XPR1: variants seen among roughly 807,000 people sequenced by gnomAD.
XPR1 encodes the protein xenotropic and polytropic retrovirus receptor 1, also known as solute carrier family 53 member 1.
In XPR1, 28 loss-of-function variants were observed where a neutral mutation model predicts 87.5. That is an observed-to-expected ratio of 0.32 (90% CI 0.24 to 0.44). The LOEUF (loss-of-function observed/expected upper bound fraction) is 0.44. XPR1 is among the 20% of genes least tolerant of loss of function. XPR1 has a pLI of 1.00. For missense variants in XPR1, 559 were observed against 862.3 expected, an observed-to-expected ratio of 0.65 and a Z score of 4.41; for synonymous variants, 300 against 306.1, an observed-to-expected ratio of 0.98 and a Z score of 0.21.
intron 6 of XPR1, among the ~76,000 whole-genome samples, chr1:180,808,280 C>A: frequency 6.8e-6 from 1 of 146,758 alleles, no homozygotes. Flanking sequence ...AGTTGAATTC[C>A]ATATACCAAA....
chr1:180,696,922 G>C (rs1053243312), intron 2 of XPR1, among the ~76,000 whole-genome samples: 2 of 152,048 alleles, frequency 1.3e-5, no homozygotes, highest in Non-Finnish European at 2.9e-5. Context: ...TTCTGTGTTT[G>C]TCAGAGATAT....
At chr1:180,703,767 A>G (rs1156669993) in intron 2 of XPR1, among the ~76,000 whole-genome samples, 2 of 152,212 alleles carry the variant, frequency 1.3e-5, no homozygotes, top group Admixed American at 1.3e-4. Context: ...TTGTAATGAC[A>G]CCATTTGGTA....
chr1:180,636,730 C>T (rs1654787474), intron 1 of XPR1, among the ~76,000 whole-genome samples: 1 of 151,956 alleles, frequency 6.6e-6, no homozygotes, highest in Non-Finnish European at 1.5e-5. Flanking sequence ...GCCCAAAACT[C>T]CCATGGAGTA....
intron 6 of XPR1, 72 bp from the exon 7 acceptor site, chr1:180,811,335 A>G: frequency 2.4e-6 from 3 of 1,231,734 alleles, no homozygotes; most frequent in South Asian, 2.6e-5. Flanking sequence ...TCATTCTACT[A>G]TTTTATTACA....
intron 2 of XPR1, among the ~76,000 whole-genome samples, chr1:180,719,658 A>G (rs1375807958): frequency 6.6e-6 from 1 of 152,180 alleles, no homozygotes; most frequent in Non-Finnish European, 1.5e-5. Context: ...ATTTAGATAC[A>G]TGTATGCAAT....
intron 2 of XPR1, among the ~76,000 whole-genome samples, chr1:180,708,078 C>T (rs1408339944): frequency 4.6e-5 from 7 of 152,148 alleles, no homozygotes; most frequent in Non-Finnish European, 1.0e-4. Flanking sequence ...TATGAAAAAA[C>T]TGGAAAAAAT....
rs532289852 is a variant in XPR1, at chr1:180,884,017, G to A, written c.2042G>A (p.Arg681His). 5.0e-6 allele frequency: 8 copies of A among 1,613,936 alleles called. No homozygotes were observed. The highest frequency in any genetic ancestry group is 2.2e-5 in the East Asian group (1 of 44,872). The change falls in exon 15 of 15, where the codon CGT becomes CAT. Residue 681 changes from arginine to histidine, a missense_variant. Coordinates refer to ENST00000367590, the MANE Select transcript of XPR1 (RefSeq NM_004736.4). ...CTTGTTACCACTAGATCCAAGGCTC[G>A]TGACACTAAGGTATTGATAGAAGAC... is the stretch of plus-strand genomic sequence containing the variant. ...RPRLASQSKARDTKVLIEDTD... is the reference protein window; with the variant it reads ...RPRLASQSKAHDTKVLIEDTD...
chr1:180,697,864 A>G (rs542997035), intron 2 of XPR1, among the ~76,000 whole-genome samples: 2 of 152,116 alleles, frequency 1.3e-5, no homozygotes, highest in Middle Eastern at 3.4e-3. Flanking sequence ...TTGTGGCCTA[A>G]CATATGGTCT....
At position 180,664,788 on chromosome 1, in the gene XPR1, G is replaced by T. The variant is rs151211069; in HGVS notation, c.70-17572G>T. Among the ~76,000 whole-genome samples, 9 of 152,332 alleles carry T rather than the reference G, an allele frequency of 5.9e-5. No individual in the cohort carries two copies. The East Asian group carries it at 1.5e-3, about 26-fold the overall frequency. ...TTTAGCACCAGGGGCTGGTTTCATG[G>T]AAGTCAGTTTTTTCATGGGGTGGAG... On this transcript the variant is annotated intron_variant, in intron 1 of 14. Coordinates refer to ENST00000367590, the MANE Select transcript of XPR1 (RefSeq NM_004736.4).
chr1:180,667,183 G>T (rs1358984218), intron 1 of XPR1, among the ~76,000 whole-genome samples: 2 of 152,182 alleles, frequency 1.3e-5, no homozygotes, highest in African/African-American at 4.8e-5. Flanking sequence ...CCCTTACTGG[G>T]ATTACAGGCA....
chr1:180,834,135 G>A (rs1651182981), intron 9 of XPR1, among the ~76,000 whole-genome samples: 1 of 151,622 alleles, frequency 6.6e-6, no homozygotes, highest in Admixed American at 6.6e-5. Flanking sequence ...AGGCTGGAGT[G>A]CAGTGGCATG....
intron 1 of XPR1, among the ~76,000 whole-genome samples, chr1:180,648,917 ATAATAT>A (rs1311672225): frequency 6.6e-6 from 1 of 152,194 alleles, no homozygotes; most frequent in Non-Finnish European, 1.5e-5. Flanking sequence ...ATCTCTGATA[ATAATAT>A]TTTAGCTATT....
At chr1:180,829,914 C>G (rs1208159864) in intron 9 of XPR1, among the ~76,000 whole-genome samples, 2 of 151,890 alleles carry the variant, frequency 1.3e-5, no homozygotes, top group African/African-American at 4.8e-5. Flanking sequence ...TCTCCCTCTT[C>G]TGCTCTTATG....
At chr1:180,816,484 A>G (rs1040726882) in intron 7 of XPR1, among the ~76,000 whole-genome samples, 2 of 152,176 alleles carry the variant, frequency 1.3e-5, no homozygotes, top group African/African-American at 4.8e-5. Flanking sequence ...ACCCAGTTCT[A>G]ATAGAAATGC....
intron 11 of XPR1, among the ~76,000 whole-genome samples, chr1:180,860,201 A>G (rs1442252446): frequency 6.6e-6 from 1 of 152,092 alleles, no homozygotes; most frequent in African/African-American, 2.4e-5. Context: ...ATTTTTTTTA[A>G]TGACAGTATC....
intron 2 of XPR1, among the ~76,000 whole-genome samples, chr1:180,785,883 TGTTA>T (rs1235932101): frequency 6.6e-6 from 1 of 151,528 alleles, no homozygotes; most frequent in Non-Finnish European, 1.5e-5. Flanking sequence ...TATAGCTAGA[TGTTA>T]GTTATTATAA....
At chr1:180,731,415 G>T (rs886958627) in intron 2 of XPR1, among the ~76,000 whole-genome samples, 2 of 152,138 alleles carry the variant, frequency 1.3e-5, no homozygotes, top group African/African-American at 4.8e-5. Flanking sequence ...GGGAAAAAAT[G>T]TAACAATATG....
At chr1:180,789,498 C>T (rs1207198008) in intron 3 of XPR1, among the ~76,000 whole-genome samples, 1 of 152,180 alleles carries the variant, frequency 6.6e-6, no homozygotes, top group African/African-American at 2.4e-5. Context: ...TTTTCCATCT[C>T]ACAGAGCTCT....
intron 2 of XPR1, among the ~76,000 whole-genome samples, chr1:180,731,252 G>A (rs1241464998): frequency 2.0e-5 from 3 of 152,144 alleles, no homozygotes; most frequent in Admixed American, 6.6e-5. Flanking sequence ...CAGAGGTTTG[G>A]TCTAGGTCCT....
Sources: allele counts gnomAD v4.1 joint callset (sites outside exome capture counted in the v4.1 genomes callset), GRCh38; gene constraint gnomAD v4.1.1; transcripts MANE v1.5; gene names NCBI Gene and HGNC (gene_info 2026-07-23, HGNC 2026-07-21).